TBX6: variants seen among roughly 807,000 people sequenced by gnomAD.
The protein encoded by TBX6 is T-box transcription factor TBX6.
TBX6 carries 29 observed loss-of-function variants against 42.3 expected under a neutral mutation model. The ratio of observed to expected loss-of-function variants is 0.69; its 90% CI spans 0.51 to 0.93. The LOEUF is 0.93. Among genes scored for constraint, TBX6 ranks in the 40% least tolerant of loss-of-function variants. TBX6 has a pLI of 0.00. For synonymous variants in TBX6, 249 were observed against 245.1 expected, an observed-to-expected ratio of 1.02 and a Z score of -0.15; for missense variants, 569 against 603.3, an observed-to-expected ratio of 0.94 and a Z score of 0.59.
Position 30,086,828 on chromosome 16 carries a change from C to G in TBX6, c.863G>C (p.Arg288Thr), listed in dbSNP as rs771799426. The change falls in exon 7 of 9, where the codon AGG becomes ACG. Residue 288 changes from arginine (R) to threonine (T), a missense_variant. Physicochemically the swap from Arg to Thr is moderately conservative, Grantham distance 71. Transcript: ENST00000395224. This position sits in a 1 kb window ranked among gnomAD's most constrained non-coding sequence, Gnocchi z 4.6. The part of the protein sequence containing the change: ...CKRERDARVK[R>T]KLRGPEPAAT... The stretch of plus-strand genomic sequence containing the variant: ...TGCTGGCTCTGGGCCCCGCAGTTTC[C>G]TCTTCACACGGGCGTCTCGCTCCCT... 7 of 1,613,554 alleles carry G rather than the reference C, an allele frequency of 4.3e-6. No homozygotes were observed. The highest frequency in any genetic ancestry group is 5.9e-6 in the Non-Finnish European group (7 of 1,179,790).
In TBX6 at chr16:30,091,141, C is replaced by G. The variant is rs1446523782; in HGVS notation, c.53G>C (p.Gly18Ala). The change falls in exon 2 of 9, where the codon GGG (glycine) becomes GCG (alanine). Residue 18 changes from glycine to alanine, a missense_variant. Physicochemically the swap from Gly to Ala is moderately conservative, Grantham distance 60 (BLOSUM62 0). Around this residue, in one of 3 missense-constraint regions of TBX6, gnomAD observed 134 missense variants for 125.3 expected, o/e 1.07. Coordinates refer to ENST00000395224, the MANE Select transcript of TBX6 (RefSeq NM_004608.4). ...GGAGTCGGCCCCAGGTTGGGCGGGC[C>G]CCAGGCGGTAGCCGGCCCCCAGGGA... ...YPSLGAGYRL[G>A]PAQPGADSSF... 6.3e-7 allele frequency: 1 copy of G among 1,594,526 alleles called. No homozygotes were observed. The highest frequency in any genetic ancestry group is 1.8e-5 in the Admixed American group (1 of 55,910).
At chr16:30,089,932 CAAAAAA>C (rs34629735) in intron 3 of TBX6, among the ~76,000 whole-genome samples, 245 of 97,468 alleles carry the variant, frequency 2.5e-3, no homozygotes, top group African/African-American at 6.8e-3. Flanking sequence ...GACTCCATCT[CAAAAAA>C]AAAAAAAAAA....
Position 30,086,988 on chromosome 16 carries a change from T to G in TBX6, c.840-137A>C. On this transcript the variant is annotated intron_variant, in intron 6 of 8. Coordinates refer to ENST00000395224, the MANE Select transcript of TBX6 (RefSeq NM_004608.4). The surrounding 1 kb of genome is among the most constrained non-coding windows in gnomAD (Gnocchi z 4.6). ...GCCATCATTATACCCATTTTATAGA[T>G]GAAGAAACTGAAGGCCAGAAAATTA... The G allele has an allele frequency of 1.1e-6, 1 of 916,886 alleles. No homozygotes were observed. The highest frequency in any genetic ancestry group is 1.7e-5 in the South Asian group (1 of 58,844). 56.8% of individuals were successfully genotyped at this position (916,886 alleles called of 1,614,324 possible).
rs376867751 is a variant in TBX6, at chr16:30,088,943, G to A, written c.621C>T (p.His207=). The A allele has an allele frequency of 1.1e-5, 17 of 1,605,444 alleles. No homozygotes were observed. Among genetic ancestry groups the A allele is most frequent in the African/African-American group, 9.4e-5 (7 of 74,736 alleles). ...CCTGGAGTCCCAGCCTGGGCCTCAC[G>A]TGGCCGTGGGGGTCCAGCGTGCTGT... is the stretch of plus-strand genomic sequence containing the variant. ...LTNSTLDPHG[H]LILHSMHKYQ... Residue 207 remains histidine, a splice_region_variant and synonymous_variant, in exon 4 of 9, where the codon CAC becomes CAT. Coordinates refer to ENST00000395224, the MANE Select transcript of TBX6 (RefSeq NM_004608.4). The surrounding 1 kb of genome is among the most constrained non-coding windows in gnomAD (Gnocchi z 4.1).
In TBX6 at chr16:30,088,660, G is replaced by A. The variant is rs556571573; in HGVS notation, c.768+33C>T. 19 of 1,614,110 alleles carry A rather than the reference G, an allele frequency of 1.2e-5. No individual in the cohort carries two copies. In the South Asian group the frequency reaches 1.6e-4, roughly 14 times the overall value. On this transcript the variant is annotated intron_variant, in intron 5 of 8. Transcript: ENST00000395224. This position sits in a 1 kb window ranked among gnomAD's most constrained non-coding sequence, Gnocchi z 4.1. ...GTCAAAGCAACTGCGGTCTGGGCAG[G>A]GGGCCACCACCCCCTCAAGCAGGGT...
chr16:30,087,748 A>G (rs1461248174), intron 6 of TBX6, among the ~76,000 whole-genome samples: 1 of 152,104 alleles, frequency 6.6e-6, no homozygotes, highest in African/African-American at 2.4e-5. Context: ...GCTTTGCCAG[A>G]TGCCCACCTG....
At position 30,085,882 on chromosome 16, in the gene TBX6, T is replaced by TG. The variant is rs369459605; in HGVS notation, c.*342dup. 2.6e-3 allele frequency: 878 copies of TG among 338,876 alleles called. 13 individuals carry two copies. Among genetic ancestry groups the TG allele is most frequent in the East Asian group, 0.011 (118 of 10,608 alleles). 21.0% of individuals were successfully genotyped at this position (338,876 alleles called of 1,614,324 possible). A position where few individuals can be genotyped will look rare whatever the true frequency, so the allele number is the denominator to read the frequency against. On this transcript the variant is annotated 3_prime_UTR_variant, in exon 9 of 9. Transcript: ENST00000395224. ...CTGGTGTGGCCTGCACCAGTGTGTG[T>TG]GGGGGGGTGGGGATTGAGCCCCTCC...
rs2072671888 is a variant in TBX6, at chr16:30,088,448, C to G, written c.839+97G>C. The G allele has an allele frequency of 6.6e-7, 1 of 1,522,004 alleles. No homozygotes were observed. Among genetic ancestry groups the G allele is most frequent in the African/African-American group, 1.4e-5 (1 of 73,010 alleles). 94.3% of individuals were successfully genotyped at this position (1,522,004 alleles called of 1,614,324 possible). Reference sequence around the variant, plus strand: ...GTCAGTGAATGAATGTTTTCACTTACCACTGCATTTCTGATGTCCAGCACG... The same window carrying G: ...GTCAGTGAATGAATGTTTTCACTTAGCACTGCATTTCTGATGTCCAGCACG... On this transcript the variant is annotated intron_variant, in intron 6 of 8. Transcript: ENST00000395224. This position sits in a 1 kb window ranked among gnomAD's most constrained non-coding sequence, Gnocchi z 4.1.
chr16:30,088,574 G>A lies in TBX6; in HGVS notation c.810C>T (p.Gly270=). The A allele has an allele frequency of 6.2e-7, 1 of 1,614,212 alleles. No homozygotes were observed. Among genetic ancestry groups the A allele is most frequent in the Non-Finnish European group, 8.5e-7 (1 of 1,180,042 alleles). The change falls in exon 6 of 9, where the codon GGC becomes GGT. Residue 270 remains glycine, a synonymous_variant. Coordinates refer to ENST00000395224, the MANE Select transcript of TBX6 (RefSeq NM_004608.4). This position sits in a 1 kb window ranked among gnomAD's most constrained non-coding sequence, Gnocchi z 4.1. ...TACAGTTTCTGCCGTTCTCCCGGAAGCCTTTGGCAAAGGGATTGGCTGCAA... is the reference window on the plus strand; with the variant it reads ...TACAGTTTCTGCCGTTCTCCCGGAAACCTTTGGCAAAGGGATTGGCTGCAA... ...LKIAANPFAK[G]FRENGRNCKR...
chr16:30,087,567 G>C (rs571287604), intron 6 of TBX6, among the ~76,000 whole-genome samples: 1 of 152,318 alleles, frequency 6.6e-6, no homozygotes, highest in Non-Finnish European at 1.5e-5. Flanking sequence ...GCAGGGGCCA[G>C]CTCTGAGGTG....
At position 30,086,162 on chromosome 16, in the gene TBX6, GC is replaced by G. The variant is rs2072623441; in HGVS notation, c.*62del. On this transcript the variant is annotated 3_prime_UTR_variant, in exon 9 of 9. Transcript: ENST00000395224. This position sits in a 1 kb window ranked among gnomAD's most constrained non-coding sequence, Gnocchi z 4.6. ...GGATGGGGCCGGTGGAGGTGAGGGG[GC>G]TCCAGGGCTGGGGGAAGGGAGCGGG... The G allele has an allele frequency of 1.9e-6, 3 of 1,557,850 alleles. No homozygotes were observed. The highest frequency in any genetic ancestry group is 1.4e-5 in the African/African-American group (1 of 72,046).
In TBX6 at chr16:30,086,633, GTTCT is replaced by G. The variant is rs1567340075; in HGVS notation, c.972_975del (p.Glu325ArgfsTer172). ...GTGGCTTCCCCGGGGGCTGGGGCCT[GTTCT>G]GGATCTGATTCACGAATGTCTCCAC... On this transcript the variant is annotated frameshift_variant, in exon 8 of 9. Coordinates refer to ENST00000395224, the MANE Select transcript of TBX6 (RefSeq NM_004608.4). LOFTEE classifies it high-confidence loss of function. This position sits in a 1 kb window ranked among gnomAD's most constrained non-coding sequence, Gnocchi z 4.6. 1 of 1,606,696 alleles carries G rather than the reference GTTCT, an allele frequency of 6.2e-7. No homozygotes were observed. The highest frequency in any genetic ancestry group is 1.1e-5 in the South Asian group (1 of 90,470).
chr16:30,089,294 G>A (rs996779277), intron 3 of TBX6, 84 bp from the exon 4 acceptor site: 31 of 1,514,490 alleles, frequency 2.0e-5, no homozygotes, highest in Non-Finnish European at 2.2e-5. Context: ...ACATAACAAC[G>A]GGCTCCCCAG....
intron 3 of TBX6, among the ~76,000 whole-genome samples, chr16:30,089,695 G>T (rs2072692893): frequency 6.6e-6 from 1 of 152,006 alleles, no homozygotes. Context: ...ACTTTAGGAA[G>T]CCGAGGTGGA....
chr16:30,087,938 C>CT (rs71373223), intron 6 of TBX6: 25,351 of 51,028 alleles, frequency 0.5, 4,962 homozygotes, highest in Non-Finnish European at 0.57. Context: ...TCTTTTCTTT[C>CT]TTTTTTTTTT....
intron 3 of TBX6, among the ~76,000 whole-genome samples, chr16:30,089,948 AAAAAAAAG>A (rs1400297100): frequency 2.6e-5 from 4 of 151,728 alleles, no homozygotes; most frequent in East Asian, 3.9e-4. Flanking sequence ...AAAAAAAAAA[AAAAAAAAG>A]AAGCCAGAGG....
chr16:30,087,600 G>A (rs536150341), intron 6 of TBX6, among the ~76,000 whole-genome samples: 4 of 152,282 alleles, frequency 2.6e-5, no homozygotes, highest in African/African-American at 7.2e-5. Flanking sequence ...CAGTTCCCAC[G>A]GCCTTACGGA....
rs1459175894 is a variant in TBX6, at chr16:30,089,118, G to A, written c.446C>T (p.Ala149Val). 6.2e-7 allele frequency: 1 copy of A among 1,614,058 alleles called. No homozygotes were observed. The highest frequency in any genetic ancestry group is 8.5e-7 in the Non-Finnish European group (1 of 1,180,022). ...FLLDVIPVDG[A>V]RYRWQGRRWE... ...GCGCCGGCCCTGCCAGCGGTAGCGA[G>A]CCCCATCCACCGGAATCACATCCAG... is the stretch of plus-strand genomic sequence containing the variant. The change falls in exon 4 of 9, where the codon GCT (alanine) becomes GTT (valine). Residue 149 changes from alanine (A) to valine (V), a missense_variant. Physicochemically the swap from Ala to Val is moderately conservative, Grantham distance 64. Transcript: ENST00000395224.
At position 30,086,418 on chromosome 16, in the gene TBX6, G is replaced by A. The variant is rs1021888339; in HGVS notation, c.1118C>T (p.Ala373Val). 6.5e-7 allele frequency: 1 copy of A among 1,534,424 alleles called. No individual in the cohort carries two copies. Among genetic ancestry groups the A allele is most frequent in the African/African-American group, 1.4e-5 (1 of 71,334 alleles). ...LPTRSPSFPE[A>V]PDSGRSAPYS... ...GGGGGCTGAGCGCCCGGAGTCTGGA[G>A]CCTCCGGGAAGCTGGGGCTCCTGAC... The change falls in exon 9 of 9, where the codon GCT becomes GTT. Residue 373 changes from alanine to valine, a missense_variant. Physicochemically the swap from Ala to Val is moderately conservative, Grantham distance 64. Coordinates refer to ENST00000395224, the MANE Select transcript of TBX6 (RefSeq NM_004608.4). The surrounding 1 kb of genome is among the most constrained non-coding windows in gnomAD (Gnocchi z 4.6).
Sources: gnomAD v4.1 joint callset for allele counts (sites outside exome capture counted in the v4.1 genomes callset) on GRCh38, gnomAD v4.1.1 for gene constraint, gnomAD v4.1.1 regional missense constraint, Gnocchi (gnomAD v3.1) non-coding constraint, MANE v1.5 for transcripts, NCBI Gene and HGNC (gene_info 2026-07-23, HGNC 2026-07-21) for gene names.